Variants in SLC41A3 observed in about 807,000 individuals in gnomAD.
SLC41A3 encodes the protein solute carrier family 41 member 3.
Under a neutral mutation model 45.4 loss-of-function variants are expected in SLC41A3, and 44 were observed. The observed-to-expected ratio is 0.97, with a 90% CI of 0.76 to 1.25. The LOEUF (loss-of-function observed/expected upper bound fraction) is 1.25, where lower values mean the gene tolerates loss of function less well. SLC41A3 is among the 50% of genes most tolerant of loss of function. The pLI is 0.00. For missense variants in SLC41A3, 550 were observed against 600.6 expected, an observed-to-expected ratio of 0.92 and a Z score of 0.88; for synonymous variants, 256 against 252.4, an observed-to-expected ratio of 1.01 and a Z score of -0.13.
At chr3:126,007,276 TA>T in intron 10 of SLC41A3, 51 bp from the exon 11 acceptor site, 1 of 1,584,728 alleles carries the variant, frequency 6.3e-7, no homozygotes, top group Non-Finnish European at 8.6e-7. Context: ...GAAAGTCAAG[TA>T]CAGGCAGGAA....
At chr3:126,097,764 G>A (rs1945632484) in intron 1 of SLC41A3, among the ~76,000 whole-genome samples, 1 of 152,170 alleles carries the variant, frequency 6.6e-6, no homozygotes, top group Non-Finnish European at 1.5e-5. Context: ...CCTCAGTCAA[G>A]GAGAAAGCAC....
intron 3 of SLC41A3, among the ~76,000 whole-genome samples, chr3:126,048,212 T>C (rs966589000): frequency 6.6e-6 from 1 of 152,198 alleles, no homozygotes; most frequent in African/African-American, 2.4e-5. Flanking sequence ...AACATTGACT[T>C]TTGCCATTCA....
At chr3:126,035,998 C>T (rs1942161198) in intron 3 of SLC41A3, among the ~76,000 whole-genome samples, 2 of 152,206 alleles carry the variant, frequency 1.3e-5, no homozygotes, top group South Asian at 4.1e-4. Context: ...GGAGCATCTA[C>T]AGAGAGCAAC....
chr3:126,023,033 C>T, intron 5 of SLC41A3, 101 bp from the exon 6 acceptor site: 1 of 1,487,196 alleles, frequency 6.7e-7, no homozygotes, highest in Non-Finnish European at 9.1e-7. Context: ...TGAGTAGGGA[C>T]TGGCAGGTGG....
At chr3:126,059,290 GA>G (rs1322359502) in intron 2 of SLC41A3, among the ~76,000 whole-genome samples, 2 of 131,272 alleles carry the variant, frequency 1.5e-5, no homozygotes, top group African/African-American at 3.0e-5. Context: ...AAGAAAGAAA[GA>G]AAGAAAGAAA....
At chr3:126,072,372 T>TAA (rs138420343) in intron 1 of SLC41A3, among the ~76,000 whole-genome samples, 3 of 126,486 alleles carry the variant, frequency 2.4e-5, no homozygotes, top group Non-Finnish European at 5.2e-5. Flanking sequence ...TAAAAAAAAA[T>TAA]AAAAAAAAAA....
chr3:126,028,054 A>C (rs1010938435), intron 4 of SLC41A3, among the ~76,000 whole-genome samples: 2 of 152,244 alleles, frequency 1.3e-5, no homozygotes, highest in East Asian at 3.8e-4. Context: ...GCAGAGAGTG[A>C]AAGTTTGGAA....
Position 126,016,716 on chromosome 3 carries a change from C to G in SLC41A3, c.890+15G>C. The G allele has an allele frequency of 6.3e-7, 1 of 1,599,990 alleles. No individual in the cohort carries two copies. The highest frequency in any genetic ancestry group is 8.5e-7 in the Non-Finnish European group (1 of 1,174,658). On this transcript the variant is annotated intron_variant, in intron 7 of 10. Coordinates refer to ENST00000360370, the MANE Select transcript of SLC41A3 (RefSeq NM_017836.4). ...GAGAGGAGGAAGAGGGGCCGTGGCC[C>G]TGGCTCCTGCTCACCTGCTGATGAC...
Position 126,068,251 on chromosome 3 carries a change from A to G in SLC41A3, c.-27-5T>C, listed in dbSNP as rs2108020068. On this transcript the variant is annotated splice_polypyrimidine_tract_variant and splice_region_variant and intron_variant, in intron 1 of 10. Transcript: ENST00000360370. ...ACAGCTGGGCGCCTGGCAGCCCTAC[A>G]GTGGGAGACACAAAGTTGTAGGGCC... is the stretch of plus-strand genomic sequence containing the variant. 1.3e-6 allele frequency: 2 copies of G among 1,488,092 alleles called. No homozygotes were observed. Among genetic ancestry groups the G allele is most frequent in the East Asian group, 4.6e-5 (2 of 43,360 alleles). The allele number at this position is 1,488,092 out of a possible 1,614,324, so 92.2% of individuals were successfully genotyped here.
chr3:126,033,638 C>G lies in SLC41A3; in HGVS notation c.422G>C (p.Arg141Thr), dbSNP rs1360100919. Reference sequence around the variant, plus strand: ...GAGGGCCAGGTTGCTGCTGATGACTCTGTGCTGCTCCTGGGGGTCATCAAT... The same window carrying G: ...GAGGGCCAGGTTGCTGCTGATGACTGTGTGCTGCTCCTGGGGGTCATCAAT... ...GQIDDPQEQH[R>T]VISSNLALIQ... The change falls in exon 4 of 11, where the codon AGA becomes ACA. Residue 141 changes from arginine to threonine, a missense_variant. Physicochemically the swap from Arg to Thr is moderately conservative, Grantham distance 71. Transcript: ENST00000360370. The G allele has an allele frequency of 1.2e-6, 2 of 1,613,016 alleles. No homozygotes were observed. Among genetic ancestry groups the G allele is most frequent in the African/African-American group, 2.7e-5 (2 of 74,910 alleles).
upstream of SLC41A3, among the ~76,000 whole-genome samples, chr3:126,086,660 T>A (rs555144799): frequency 3.3e-4 from 51 of 152,278 alleles, no homozygotes; most frequent in Non-Finnish European, 5.0e-4. Flanking sequence ...AATTTTGCTA[T>A]CTGATTTTTC....
intron 2 of SLC41A3, among the ~76,000 whole-genome samples, chr3:126,053,831 C>T (rs1173955174): frequency 6.6e-6 from 1 of 152,166 alleles, no homozygotes; most frequent in East Asian, 1.9e-4. Context: ...CCAAACTTCT[C>T]CTTGCCACCC....
At chr3:126,010,212 G>T (rs1271495592) in intron 9 of SLC41A3, among the ~76,000 whole-genome samples, 1 of 152,194 alleles carries the variant, frequency 6.6e-6, no homozygotes, top group Non-Finnish European at 1.5e-5. Flanking sequence ...TGTGGCTCAC[G>T]CCTGTAAACC....
intron 1 of SLC41A3, among the ~76,000 whole-genome samples, chr3:126,077,770 G>T (rs978809814): frequency 6.6e-6 from 1 of 152,202 alleles, no homozygotes; most frequent in Non-Finnish European, 1.5e-5. Context: ...CCTTGCAGCA[G>T]GGAGAAGCTG....
At chr3:126,017,003 T>G in intron 6 of SLC41A3, 128 bp from the exon 7 acceptor site, 1 of 1,158,018 alleles carries the variant, frequency 8.6e-7, no homozygotes, top group Non-Finnish European at 1.2e-6. Flanking sequence ...GGGAACTGCC[T>G]TGCCATACTT....
At chr3:126,056,417 G>T (rs147809076) in intron 2 of SLC41A3, 1 of 1,614,070 alleles carries the variant, frequency 6.2e-7, no homozygotes, top group Non-Finnish European at 8.5e-7. Flanking sequence ...AGCAGAATGG[G>T]CACCACGACC....
chr3:126,023,059 T>A, intron 5 of SLC41A3, 127 bp from the exon 6 acceptor site: 1 of 1,272,570 alleles, frequency 7.9e-7, no homozygotes, highest in Non-Finnish European at 1.1e-6. Context: ...AGGCTGCTCA[T>A]TAACTTGCCT....
intron 4 of SLC41A3, among the ~76,000 whole-genome samples, chr3:126,030,065 A>G (rs191301260): frequency 1.9e-4 from 29 of 149,210 alleles, no homozygotes; most frequent in Non-Finnish European, 4.0e-4. Context: ...CATAAAAACT[A>G]TTTCAAAAAA....
chr3:126,021,177 A>G (rs1940847213), intron 6 of SLC41A3, among the ~76,000 whole-genome samples: 1 of 152,174 alleles, frequency 6.6e-6, no homozygotes, highest in African/African-American at 2.4e-5. Context: ...TACAGGCGTG[A>G]GCCACCGCGC....
Sources: gnomAD v4.1 joint callset for allele counts (sites outside exome capture counted in the v4.1 genomes callset) on GRCh38, gnomAD v4.1.1 for gene constraint, MANE v1.5 for transcripts, NCBI Gene and HGNC (gene_info 2026-07-23, HGNC 2026-07-21) for gene names.